DEPDC4: variants seen among roughly 807,000 people sequenced by gnomAD.
DEPDC4 encodes DEP domain containing 4.
Under a neutral mutation model 52.0 loss-of-function variants are expected in DEPDC4, and 52 were observed. That is an observed-to-expected ratio of 1.00 (90% CI 0.80 to 1.26). The LOEUF (loss-of-function observed/expected upper bound fraction) is 1.26, where lower values mean the gene tolerates loss of function less well. Ranked by LOEUF, DEPDC4 falls within the 50% of genes most tolerant of loss-of-function variation. The pLI is 0.00. For synonymous variants in DEPDC4, 201 were observed against 196.8 expected, an observed-to-expected ratio of 1.02 and a Z score of -0.18; for missense variants, 530 against 546.9, an observed-to-expected ratio of 0.97 and a Z score of 0.31.
At chr12:100,253,213 T>C (rs1253633708) in intron 5 of DEPDC4, among the ~76,000 whole-genome samples, 1 of 152,196 alleles carries the variant, frequency 6.6e-6, no homozygotes, top group Admixed American at 6.5e-5. Flanking sequence ...CCATCGCTCC[T>C]GGCTATATCA....
chr12:100,272,305 A>G, the DEPDC4 span, among the ~76,000 whole-genome samples: 1 of 152,240 alleles, frequency 6.6e-6, no homozygotes, highest in African/African-American at 2.4e-5. Context: ...ATGAAAAGCT[A>G]TCATTTTAAG....
chr12:100,268,445 T>A (rs1288897696), upstream of DEPDC4, among the ~76,000 whole-genome samples: 5 of 152,200 alleles, frequency 3.3e-5, no homozygotes, highest in South Asian at 4.1e-4. Context: ...CAAATATTTT[T>A]AAAATATTTA....
chr12:100,232,744 G>A (rs1394950555), intron 9 of DEPDC4, among the ~76,000 whole-genome samples: 1 of 152,074 alleles, frequency 6.6e-6, no homozygotes, highest in Non-Finnish European at 1.5e-5. Context: ...TTAGCCAGGC[G>A]TGGTGGCGCA....
chr12:100,255,943 A>G, intron 4 of DEPDC4, 106 bp downstream of exon 4: 3 of 728,660 alleles, frequency 4.1e-6, no homozygotes, highest in Non-Finnish European at 6.6e-6. Flanking sequence ...AAAGAGAGAT[A>G]GTATAAGCTT....
rs1566328052 is a variant in DEPDC4 at position 100,263,535 on chromosome 12, T to C, written c.516A>G (p.Arg172=). 1.2e-6 allele frequency: 2 copies of C among 1,603,516 alleles called. No homozygotes were observed. The highest frequency in any genetic ancestry group is 1.7e-6 in the Non-Finnish European group (2 of 1,175,770). ...GNKSSYDCCK[R]QKDAENEFNE... ...TGAACTCATTCTCAGCATCCTTTTGTCTTTTGCAACAATCGTAAGATGATT... is the reference window on the plus strand; with the variant it reads ...TGAACTCATTCTCAGCATCCTTTTGCCTTTTGCAACAATCGTAAGATGATT... The change falls in exon 2 of 10, where the codon AGA becomes AGG. Residue 172 remains arginine (R), a synonymous_variant. Transcript: ENST00000550587.
At chr12:100,274,834 A>G in the DEPDC4 span, among the ~76,000 whole-genome samples, 5 of 152,116 alleles carry the variant, frequency 3.3e-5, no homozygotes, top group Non-Finnish European at 2.9e-5. Flanking sequence ...GGGCTTTAAA[A>G]CCTTGGTTTG....
rs1566328052 is a variant in DEPDC4 at position 100,263,535 on chromosome 12, T to A, written c.516A>T (p.Arg172Ser). ...GNKSSYDCCKRQKDAENEFNE... is the reference protein window; with the variant it reads ...GNKSSYDCCKSQKDAENEFNE... ...TGAACTCATTCTCAGCATCCTTTTGTCTTTTGCAACAATCGTAAGATGATT... is the reference window on the plus strand; with the variant it reads ...TGAACTCATTCTCAGCATCCTTTTGACTTTTGCAACAATCGTAAGATGATT... Residue 172 changes from arginine (R) to serine (S), a missense_variant, in exon 2 of 10, where the codon AGA becomes AGT. Arg to Ser is a moderately radical substitution (Grantham distance 110). Transcript: ENST00000550587. 1.7e-5 allele frequency: 28 copies of A among 1,603,516 alleles called. No individual in the cohort carries two copies. Among genetic ancestry groups the A allele is most frequent in the Non-Finnish European group, 2.4e-5 (28 of 1,175,770 alleles).
intron 1 of DEPDC4, among the ~76,000 whole-genome samples, chr12:100,264,808 G>GA (rs1372433503): frequency 6.6e-6 from 1 of 152,078 alleles, no homozygotes; most frequent in African/African-American, 2.4e-5. Context: ...TTGGGCTCTA[G>GA]AAAGTGCTTC....
chr12:100,275,623 T>G, the DEPDC4 span, among the ~76,000 whole-genome samples: 1 of 152,244 alleles, frequency 6.6e-6, no homozygotes, highest in African/African-American at 2.4e-5. Flanking sequence ...TTGTGTCATT[T>G]GGGAATAAAT....
intron 1 of DEPDC4, among the ~76,000 whole-genome samples, 178 bp from the exon 2 acceptor site, chr12:100,264,071 C>G (rs1467520760): frequency 1.3e-5 from 2 of 152,166 alleles, no homozygotes; most frequent in Non-Finnish European, 2.9e-5. Context: ...CCATGTGGGT[C>G]TGCCAATAAA....
At chr12:100,263,323 C>G (rs1169547475) in intron 2 of DEPDC4, among the ~76,000 whole-genome samples, 174 bp downstream of exon 2, 4 of 152,024 alleles carry the variant, frequency 2.6e-5, no homozygotes, top group Non-Finnish European at 4.4e-5. Context: ...TTATCTAATT[C>G]TAGTCTATTG....
chr12:100,245,319 C>T (rs1322501472), intron 8 of DEPDC4, among the ~76,000 whole-genome samples: 1 of 151,622 alleles, frequency 6.6e-6, no homozygotes, highest in Non-Finnish European at 1.5e-5. Flanking sequence ...CAGGCTGGAG[C>T]GTAGTGGCGA....
At position 100,267,022 on chromosome 12, in the gene DEPDC4, T is replaced by G. The variant is rs768828014; in HGVS notation, c.55A>C (p.Arg19=). ...RELMAVLLTP[R]FRRLVSQNEL... Reference sequence around the variant, plus strand: ...TTCTGACTGACAAGTCTACGGAACCTCGGAGTCAAAAGAACCGCCATAAGC... The same window carrying G: ...TTCTGACTGACAAGTCTACGGAACCGCGGAGTCAAAAGAACCGCCATAAGC... The change falls in exon 1 of 10, where the codon AGG becomes CGG. Residue 19 remains arginine, a synonymous_variant. Coordinates refer to ENST00000550587, the MANE Select transcript of DEPDC4 (RefSeq NM_001364818.2). 7 of 1,613,848 alleles carry G rather than the reference T, an allele frequency of 4.3e-6. No individual in the cohort carries two copies. In the Admixed American group the frequency reaches 1.2e-4, roughly 27 times the overall value.
the DEPDC4 span, among the ~76,000 whole-genome samples, chr12:100,277,333 G>C: frequency 1.3e-5 from 2 of 152,192 alleles, no homozygotes; most frequent in African/African-American, 4.8e-5. Flanking sequence ...CTTCGTCTGT[G>C]TCTGTTACTA....
intron 4 of DEPDC4, 116 bp downstream of exon 4, chr12:100,255,931 TAA>T (rs1396080153): frequency 1.5e-6 from 1 of 672,386 alleles, no homozygotes; most frequent in Non-Finnish European, 2.4e-6. Flanking sequence ...TGATAATTTA[TAA>T]AAGAGAGATA....
chr12:100,238,906 G>A (rs1263934804), downstream of DEPDC4, among the ~76,000 whole-genome samples: 1 of 152,166 alleles, frequency 6.6e-6, no homozygotes, highest in East Asian at 1.9e-4. Context: ...GAACCCAGTG[G>A]TTCTTACTGT....
Position 100,256,212 on chromosome 12 carries a change from G to T in DEPDC4, c.715C>A (p.Gln239Lys). 1 of 1,610,136 alleles carries T rather than the reference G, an allele frequency of 6.2e-7. No individual in the cohort carries two copies. The highest frequency in any genetic ancestry group is 8.5e-7 in the Non-Finnish European group (1 of 1,177,686). Reference protein sequence around the residue: ...RLSKEDVWKEQTLLCLLQLIH... With the variant: ...RLSKEDVWKEKTLLCLLQLIH... ...AATTGAAGAAGACATAATAATGTTT[G>T]TTCTTTCCAAACATCTTGAAAAGGA... is the stretch of plus-strand genomic sequence containing the variant. The change falls in exon 4 of 10, where the codon CAA (glutamine) becomes AAA (lysine). Residue 239 changes from glutamine (Q) to lysine (K), a missense_variant. Physicochemically the swap from Gln to Lys is moderately conservative, Grantham distance 53. Transcript: ENST00000550587.
chr12:100,252,291 T>C lies in DEPDC4; in HGVS notation c.1259A>G (p.Lys420Arg). 1 of 1,449,064 alleles carries C rather than the reference T, an allele frequency of 6.9e-7. No homozygotes were observed. Among genetic ancestry groups the C allele is most frequent in the Non-Finnish European group, 9.1e-7 (1 of 1,102,918 alleles). The allele number at this position is 1,449,064 out of a possible 1,614,324, so 89.8% of individuals were successfully genotyped here. A position where few individuals can be genotyped will look rare whatever the true frequency, so the allele number is the denominator to read the frequency against. ...AYKLQKQYDN[K>R]TVVLKTLAKS... ...GGCAAGAGTTTTCAGGACCACTGTT[T>C]TATTATCATACTGTAAACAGAAAGA... Residue 420 changes from lysine to arginine, a missense_variant, in exon 7 of 10, where the codon AAA (lysine) becomes AGA (arginine). By Grantham distance (26) the Lys-to-Arg change is conservative. Transcript: ENST00000550587.
chr12:100,264,816 T>C (rs1356983625), intron 1 of DEPDC4, among the ~76,000 whole-genome samples: 5 of 152,166 alleles, frequency 3.3e-5, no homozygotes, highest in Non-Finnish European at 7.3e-5. Context: ...TAGAAAGTGC[T>C]TCCACTGTTG....
Sources: allele counts gnomAD v4.1 joint callset (sites outside exome capture counted in the v4.1 genomes callset), GRCh38; gene constraint gnomAD v4.1.1; transcripts MANE v1.5; gene names NCBI Gene and HGNC (gene_info 2026-07-23, HGNC 2026-07-21).